The following ATRNL1 variants were observed in gnomAD, a reference collection of about 807,000 sequenced individuals.
ATRNL1 encodes attractin like 1.
A neutral mutation model predicts 182.7 loss-of-function variants in ATRNL1; 95 were observed. The observed-to-expected ratio is 0.52, with a 90% CI of 0.44 to 0.62. The LOEUF is 0.62. Ranked by LOEUF, ATRNL1 falls within the 20% of genes least tolerant of loss-of-function variation. The probability of loss-of-function intolerance (pLI) is 0.00; values close to 1 mark genes in which losing one functional copy is unlikely to be tolerated. For missense variants in ATRNL1, 1,471 were observed against 1,679.5 expected, an observed-to-expected ratio of 0.88 and a Z score of 2.17; for synonymous variants, 576 against 568.3, an observed-to-expected ratio of 1.01 and a Z score of -0.19.
At chr10:115,859,910 A>G (rs1555103095) in intron 28 of ATRNL1, among the ~76,000 whole-genome samples, 2 of 152,232 alleles carry the variant, frequency 1.3e-5, no homozygotes, top group African/African-American at 4.8e-5. Flanking sequence ...AAGAGCTTGT[A>G]GGGAAAAAGT....
At chr10:115,889,341 T>G (rs1316063069) in intron 28 of ATRNL1, among the ~76,000 whole-genome samples, 4 of 106,636 alleles carry the variant, frequency 3.8e-5, no homozygotes, top group Admixed American at 1.1e-4. Context: ...TTTTTTGGGG[T>G]TTTTGTTTGT....
chr10:115,617,041 A>G (rs1035419819), intron 26 of ATRNL1, among the ~76,000 whole-genome samples: 2 of 152,190 alleles, frequency 1.3e-5, no homozygotes, highest in African/African-American at 2.4e-5. Context: ...AACTTGCACC[A>G]TGTGCTTGGA....
intron 9 of ATRNL1, among the ~76,000 whole-genome samples, chr10:115,230,315 A>C (rs1054005845): frequency 6.6e-6 from 1 of 152,224 alleles, no homozygotes; most frequent in African/African-American, 2.4e-5. Context: ...TGCATTTAAA[A>C]AGAGTGGCCA....
intron 25 of ATRNL1, 21 bp downstream of exon 25, chr10:115,519,345 A>C (rs373984788): frequency 2.5e-6 from 4 of 1,597,602 alleles, no homozygotes; most frequent in Admixed American, 3.4e-5. Context: ...GCTTTGACTG[A>C]CTTTGAACTT....
In ATRNL1 at chr10:115,329,926, T is replaced by C. The variant is rs540679870; in HGVS notation, c.3038-4356T>C. On this transcript the variant is annotated intron_variant, in intron 18 of 28. Coordinates refer to ENST00000355044, the MANE Select transcript of ATRNL1 (RefSeq NM_207303.4). ...TTGTACTGCCATATTGCTACTTGTT[T>C]TCTAGTTGTTTTGTAGAACATTTCT... 1.2e-4 allele frequency among the ~76,000 whole-genome samples: 18 copies of C among 152,282 alleles called. 1 individual carries two copies. The South Asian group carries it at 3.7e-3, about 32-fold the overall frequency.
chr10:115,852,481 C>T lies in ATRNL1; in HGVS notation c.4018+4490C>T, dbSNP rs114567388. Among the ~76,000 whole-genome samples, 627 of 152,178 alleles carry T rather than the reference C, an allele frequency of 4.1e-3. 4 individuals are homozygous for T. Among genetic ancestry groups the T allele is most frequent in the African/African-American group, 0.014 (585 of 41,522 alleles). On this transcript the variant is annotated intron_variant, in intron 28 of 28. Coordinates refer to ENST00000355044, the MANE Select transcript of ATRNL1 (RefSeq NM_207303.4). ...AAAGAGGACCAGGCATTATATTAAGCGCTTTATGTATTCATTGGTGTGACC... is the reference window on the plus strand; with the variant it reads ...AAAGAGGACCAGGCATTATATTAAGTGCTTTATGTATTCATTGGTGTGACC...
Position 115,334,306 on chromosome 10 carries a change from C to G in ATRNL1, c.3062C>G (p.Thr1021Ser), listed in dbSNP as rs1392522300. The G allele has an allele frequency of 6.3e-7, 1 of 1,577,430 alleles. No homozygotes were observed. The highest frequency in any genetic ancestry group is 1.3e-5 in the African/African-American group (1 of 74,348). The stretch of plus-strand genomic sequence containing the variant: ...GCTTGCCAGTGTAATGGACATAGCA[C>G]TTGCATCAATAATAATGTGTGCGAA... ...CPACQCNGHS[T>S]CINNNVCEQC... The change falls in exon 19 of 29, where the codon ACT (threonine) becomes AGT (serine). Residue 1021 changes from threonine (T) to serine (S), a missense_variant. Physicochemically the swap from Thr to Ser is moderately conservative, Grantham distance 58 (BLOSUM62 1). Around this residue, in one of 3 missense-constraint regions of ATRNL1, gnomAD observed 437 missense variants for 506.0 expected, o/e 0.86. Coordinates refer to ENST00000355044, the MANE Select transcript of ATRNL1 (RefSeq NM_207303.4).
At chr10:115,482,074 T>C (rs530754141) in intron 24 of ATRNL1, among the ~76,000 whole-genome samples, 96 of 151,156 alleles carry the variant, frequency 6.4e-4, no homozygotes, top group African/African-American at 2.2e-3. Flanking sequence ...AATATTAATA[T>C]ATAATGACTT....
rs539095816 is a variant in ATRNL1, at chr10:115,306,519, AT to A, written c.2818+4485del. Among the ~76,000 whole-genome samples the A allele has an allele frequency of 5.9e-4, 90 of 151,372 alleles. 2 individuals carry two copies. The South Asian group carries it at 0.017, about 29-fold the overall frequency. ...TGATTGATGTGGATCTTTAAAATTA[AT>A]TTTTTTTTACAGTTTTTCATTGAAG... On this transcript the variant is annotated intron_variant, in intron 17 of 28. Coordinates refer to ENST00000355044, the MANE Select transcript of ATRNL1 (RefSeq NM_207303.4).
chr10:115,404,716 G>A (rs1171129522), intron 20 of ATRNL1, among the ~76,000 whole-genome samples: 1 of 151,934 alleles, frequency 6.6e-6, no homozygotes, highest in Non-Finnish European at 1.5e-5. Context: ...TTCATTAAGT[G>A]TGACTGCTGG....
chr10:115,133,415 A>C (rs1490850492), intron 5 of ATRNL1, among the ~76,000 whole-genome samples: 1 of 152,234 alleles, frequency 6.6e-6, no homozygotes, highest in Non-Finnish European at 1.5e-5. Flanking sequence ...CTGATAAAAC[A>C]GACTTTAAAC....
At chr10:115,374,668 G>A (rs572867878) in intron 19 of ATRNL1, among the ~76,000 whole-genome samples, 1 of 151,712 alleles carries the variant, frequency 6.6e-6, no homozygotes, top group African/African-American at 2.4e-5. Flanking sequence ...CATAACTTTT[G>A]GTAGGTTGTG....
At chr10:115,906,818 C>CTA (rs1555114656) in intron 28 of ATRNL1, among the ~76,000 whole-genome samples, 6 of 152,048 alleles carry the variant, frequency 3.9e-5, no homozygotes, top group South Asian at 2.1e-4. Flanking sequence ...TGAACAAATA[C>CTA]TTTTTTTAAA....
At chr10:115,277,341 C>G (rs1331414533) in intron 13 of ATRNL1, among the ~76,000 whole-genome samples, 1 of 151,922 alleles carries the variant, frequency 6.6e-6, no homozygotes, top group Non-Finnish European at 1.5e-5. Context: ...GTAAAATGCT[C>G]TAATAGAAAT....
At chr10:115,335,875 G>A (rs1855457234) in intron 19 of ATRNL1, among the ~76,000 whole-genome samples, 1 of 152,122 alleles carries the variant, frequency 6.6e-6, no homozygotes, top group African/African-American at 2.4e-5. Context: ...TGTTGGTTGA[G>A]TTCACAGATG....
At chr10:115,212,847 G>T (rs2144388757) in intron 8 of ATRNL1, among the ~76,000 whole-genome samples, 1 of 152,090 alleles carries the variant, frequency 6.6e-6, no homozygotes, top group Admixed American at 6.6e-5. Context: ...GGGCCTATTG[G>T]AGGTGAATTG....
intron 20 of ATRNL1, among the ~76,000 whole-genome samples, chr10:115,395,213 A>G (rs1366906720): frequency 6.6e-6 from 1 of 151,910 alleles, no homozygotes; most frequent in Non-Finnish European, 1.5e-5. Flanking sequence ...GTAGTATTCC[A>G]TGGTGTATGT....
intron 19 of ATRNL1, among the ~76,000 whole-genome samples, chr10:115,363,906 G>C (rs1457419825): frequency 1.3e-5 from 2 of 151,152 alleles, no homozygotes; most frequent in East Asian, 3.9e-4. Flanking sequence ...GTACCATGCT[G>C]TTTTGGTTAC....
rs367666476 is a variant in ATRNL1, at chr10:115,874,302, CT to C, written c.4018+26312del. On this transcript the variant is annotated intron_variant, in intron 28 of 28. Transcript: ENST00000355044. ...AAGCTGACCTCCCTGATTGCCCTGC[CT>C]CTCCATTGCAGTTTCCGTTCTCACA... is the stretch of plus-strand genomic sequence containing the variant. Among the ~76,000 whole-genome samples the C allele has an allele frequency of 1.4e-4, 21 of 152,290 alleles. No individual in the cohort carries two copies. The East Asian group carries it at 3.3e-3, about 24-fold the overall frequency.
Sources: allele counts gnomAD v4.1 joint callset (sites outside exome capture counted in the v4.1 genomes callset), GRCh38; gene constraint gnomAD v4.1.1; regional missense constraint gnomAD v4.1.1; transcripts MANE v1.5; gene names NCBI Gene and HGNC (gene_info 2026-07-23, HGNC 2026-07-21).